HIPK3: variants seen among roughly 807,000 people sequenced by gnomAD.
HIPK3 encodes homeodomain interacting protein kinase 3.
In HIPK3, 47 loss-of-function variants were observed where a neutral mutation model predicts 124.2. That is an observed-to-expected ratio of 0.38 (90% CI 0.30 to 0.48). The LOEUF is 0.48. Ranked by LOEUF, HIPK3 falls within the 20% of genes least tolerant of loss-of-function variation. The probability of loss-of-function intolerance (pLI) is 0.98; values close to 1 mark genes in which losing one functional copy is unlikely to be tolerated. For missense variants in HIPK3, 1,286 were observed against 1,454.3 expected (o/e 0.88, Z 1.88); for synonymous variants, 482 against 515.2 (o/e 0.94, Z 0.87).
chr11:33,326,261 A>G lies in HIPK3; in HGVS notation c.1098-2249A>G, dbSNP rs190214209. 7.8e-4 allele frequency among the ~76,000 whole-genome samples: 119 copies of G among 152,294 alleles called. No individual in the cohort carries two copies. The Middle Eastern group carries it at 0.014, about 17-fold the overall frequency. Reference sequence around the variant, plus strand: ...GAAGCCACTCTTGATTCCTAAGTCTAATCCCCAGGGTTTCTGATTTAATTG... The same window carrying G: ...GAAGCCACTCTTGATTCCTAAGTCTGATCCCCAGGGTTTCTGATTTAATTG... On this transcript the variant is annotated intron_variant, in intron 2 of 16. Transcript: ENST00000303296.
intron 16 of HIPK3, 103 bp downstream of exon 16, chr11:33,352,368 A>G: frequency 7.9e-7 from 1 of 1,262,494 alleles, no homozygotes. Context: ...GTGTTAATGA[A>G]TTTTTCCCTT....
intron 1 of HIPK3, among the ~76,000 whole-genome samples, chr11:33,282,942 G>A (rs906049578): frequency 3.3e-5 from 5 of 152,138 alleles, no homozygotes; most frequent in African/African-American, 1.2e-4. Flanking sequence ...AAGATTGGAA[G>A]CCTCACAAAA....
chr11:33,316,020 T>G (rs1852490731), intron 2 of HIPK3, among the ~76,000 whole-genome samples: 1 of 152,218 alleles, frequency 6.6e-6, no homozygotes, highest in Non-Finnish European at 1.5e-5. Context: ...TTTGATTACA[T>G]TTCAACATGT....
At chr11:33,341,831 G>GT (rs1853344169) in intron 8 of HIPK3, 145 bp downstream of exon 8, 1 of 691,862 alleles carries the variant, frequency 1.4e-6, no homozygotes, top group Non-Finnish European at 2.2e-6. Flanking sequence ...CAAGTGTGGT[G>GT]TTTCACGCCT....
intron 1 of HIPK3, among the ~76,000 whole-genome samples, chr11:33,268,334 C>T (rs1039532738): frequency 4.6e-5 from 7 of 151,950 alleles, no homozygotes; most frequent in African/African-American, 1.5e-4. Context: ...GTGGCTCAAG[C>T]CTGTAATCCT....
rs1488337727 is a variant in HIPK3, at chr11:33,257,907, G to C, written c.-3+18G>C. 5.1e-6 allele frequency: 5 copies of C among 985,518 alleles called. No individual in the cohort carries two copies. The African/African-American group carries it at 7.0e-5, about 14-fold the overall frequency. 61.0% of individuals were successfully genotyped at this position (985,518 alleles called of 1,614,324 possible). A position where few individuals can be genotyped will look rare whatever the true frequency, so the allele number is the denominator to read the frequency against. On this transcript the variant is annotated intron_variant, in intron 1 of 16. Coordinates refer to ENST00000303296, the MANE Select transcript of HIPK3 (RefSeq NM_005734.5). Reference sequence around the variant, plus strand: ...CTAGGAAGGTAAGGGAGTCGAGCGAGGGGCGCCGCCACCCCGGGGTGGGGG... The same window carrying C: ...CTAGGAAGGTAAGGGAGTCGAGCGACGGGCGCCGCCACCCCGGGGTGGGGG...
chr11:33,340,677 A>G (rs895028146), intron 6 of HIPK3, among the ~76,000 whole-genome samples: 2 of 126,086 alleles, frequency 1.6e-5, no homozygotes, highest in African/African-American at 5.9e-5. Context: ...GAAATTTCGG[A>G]AAAAGTTTTT....
intron 1 of HIPK3, among the ~76,000 whole-genome samples, chr11:33,261,109 T>G (rs1850807994): frequency 7.4e-6 from 1 of 135,320 alleles, no homozygotes; most frequent in Non-Finnish European, 1.6e-5. Context: ...TGTATATATA[T>G]ATACATAAAA....
At chr11:33,276,759 G>A (rs939044530) in intron 1 of HIPK3, among the ~76,000 whole-genome samples, 3 of 152,056 alleles carry the variant, frequency 2.0e-5, no homozygotes, top group African/African-American at 7.2e-5. Flanking sequence ...AGGCTGGAGT[G>A]CAGTGGCATG....
chr11:33,258,121 C>T (rs1850716929), intron 1 of HIPK3, among the ~76,000 whole-genome samples: 2 of 152,078 alleles, frequency 1.3e-5, no homozygotes, highest in Non-Finnish European at 1.5e-5. Context: ...CCCTCGAAGC[C>T]GGCGCCACGC....
At chr11:33,342,761 G>A (rs1158190277) in intron 8 of HIPK3, among the ~76,000 whole-genome samples, 1 of 152,104 alleles carries the variant, frequency 6.6e-6, no homozygotes, top group Non-Finnish European at 1.5e-5. Context: ...TTCCATGTTG[G>A]TCTTGAACTC....
chr11:33,311,837 TAC>T lies in HIPK3; in HGVS notation c.1098-16642_1098-16641del, dbSNP rs370396153. On this transcript the variant is annotated intron_variant, in intron 2 of 16. Coordinates refer to ENST00000303296, the MANE Select transcript of HIPK3 (RefSeq NM_005734.5). ...GGGCAACATAGCAGGACCCTGTTTC[TAC>T]ACACACACACACACACACACACACA... Among the ~76,000 whole-genome samples, 211 of 104,416 alleles carry T rather than the reference TAC, an allele frequency of 2.0e-3. 6 individuals are homozygous for T. The highest frequency in any genetic ancestry group is 8.3e-3 in the Admixed American group (81 of 9,768). 68.5% of individuals were successfully genotyped at this position (104,416 alleles called of 152,430 possible). A position where few individuals can be genotyped will look rare whatever the true frequency, so the allele number is the denominator to read the frequency against.
intron 3 of HIPK3, among the ~76,000 whole-genome samples, chr11:33,329,497 A>G (rs1016576418): frequency 1.3e-5 from 2 of 152,152 alleles, no homozygotes; most frequent in East Asian, 1.9e-4. Flanking sequence ...TTTTAGGGCT[A>G]TTTTCTCTAT....
In HIPK3 at chr11:33,328,511, G is replaced by C; in HGVS notation, c.1099G>C (p.Ala367Pro). The C allele has an allele frequency of 6.2e-7, 1 of 1,612,308 alleles. No homozygotes were observed. The change falls in exon 3 of 17, where the codon GCT (alanine) becomes CCT (proline). Residue 367 changes from alanine to proline, a missense_variant and splice_region_variant. By Grantham distance (27) the Ala-to-Pro change is conservative. Around this residue, in one of 3 missense-constraint regions of HIPK3, gnomAD observed 251 missense variants for 349.1 expected, o/e 0.72. Transcript: ENST00000303296. ...TTTTGTTTTAATTTTAAATTTCAGA[G>C]CTCCAGAGATTATATTGGGGTTGCC... ...STYLQSRYYR[A>P]PEIILGLPFC... is the part of the protein sequence containing the mutation.
chr11:33,353,805 G>A lies in HIPK3; in HGVS notation c.*237G>A. ...AACTCTAGACAGGTGACTTATGGGAGCAGAAGTCCAGTTTTGCTCCTGCTA... is the reference window on the plus strand; with the variant it reads ...AACTCTAGACAGGTGACTTATGGGAACAGAAGTCCAGTTTTGCTCCTGCTA... On this transcript the variant is annotated 3_prime_UTR_variant, in exon 17 of 17. Coordinates refer to ENST00000303296, the MANE Select transcript of HIPK3 (RefSeq NM_005734.5). 1 of 455,382 alleles carries A rather than the reference G, an allele frequency of 2.2e-6. No individual in the cohort carries two copies. The highest frequency in any genetic ancestry group is 4.0e-6 in the Non-Finnish European group (1 of 249,968). 28.2% of individuals were successfully genotyped at this position (455,382 alleles called of 1,614,324 possible). A position where few individuals can be genotyped will look rare whatever the true frequency, so the allele number is the denominator to read the frequency against.
chr11:33,327,431 A>C (rs1353807769), intron 2 of HIPK3, among the ~76,000 whole-genome samples: 1 of 152,176 alleles, frequency 6.6e-6, no homozygotes, highest in African/African-American at 2.4e-5. Context: ...CCATATTGAA[A>C]AAGACTGAAA....
intron 6 of HIPK3, among the ~76,000 whole-genome samples, chr11:33,340,556 C>G (rs1275400252): frequency 6.6e-6 from 1 of 152,200 alleles, no homozygotes; most frequent in East Asian, 1.9e-4. Context: ...AGCCCAGTTA[C>G]ATTTTCCCCT....
intron 1 of HIPK3, among the ~76,000 whole-genome samples, chr11:33,268,312 G>A (rs1053018350): frequency 6.6e-6 from 1 of 151,980 alleles, no homozygotes; most frequent in Admixed American, 6.6e-5. Context: ...ATTGAATTCT[G>A]GGCCGGGTGT....
chr11:33,323,442 C>T (rs1207759106), intron 2 of HIPK3, among the ~76,000 whole-genome samples: 1 of 152,114 alleles, frequency 6.6e-6, no homozygotes, highest in Non-Finnish European at 1.5e-5. Flanking sequence ...AGAGTTTTAC[C>T]ATGTTGGCCA....
Sources: gnomAD v4.1 joint callset for allele counts (sites outside exome capture counted in the v4.1 genomes callset) on GRCh38, gnomAD v4.1.1 for gene constraint, gnomAD v4.1.1 regional missense constraint, MANE v1.5 for transcripts, NCBI Gene and HGNC (gene_info 2026-07-23, HGNC 2026-07-21) for gene names.